The following LIPC variants were observed in gnomAD, a reference collection of about 807,000 sequenced individuals.
The protein encoded by LIPC is lipase C, hepatic type.
Under a neutral mutation model 50.7 loss-of-function variants are expected in LIPC, and 44 were observed. The observed-to-expected ratio is 0.87, with a 90% CI of 0.68 to 1.11. The LOEUF (loss-of-function observed/expected upper bound fraction) is 1.11, where lower values mean the gene tolerates loss of function less well. Among genes scored for constraint, LIPC ranks in the 50% most tolerant of loss-of-function variants. LIPC has a pLI of 0.00. For missense variants in LIPC, 697 were observed against 648.2 expected, an observed-to-expected ratio of 1.08 and a Z score of -0.82; for synonymous variants, 271 against 256.4, an observed-to-expected ratio of 1.06 and a Z score of -0.54.
chr15:58,460,205 T>A (rs1257112951), intron 1 of LIPC, among the ~76,000 whole-genome samples: 1 of 152,210 alleles, frequency 6.6e-6, no homozygotes, highest in East Asian at 1.9e-4. Flanking sequence ...CTGGCATCTG[T>A]CTTTAAGGAT....
intron 1 of LIPC, among the ~76,000 whole-genome samples, chr15:58,471,328 T>TGCTG (rs1555399294): frequency 8.8e-6 from 1 of 114,182 alleles, no homozygotes; most frequent in South Asian, 3.3e-4. Context: ...TTAGTAGAGA[T>TGCTG]GGGGGGGGGT....
At chr15:58,433,907 G>C (rs1299745551) in intron 1 of LIPC, among the ~76,000 whole-genome samples, 1 of 152,202 alleles carries the variant, frequency 6.6e-6, no homozygotes, top group Non-Finnish European at 1.5e-5. Flanking sequence ...CAATGAGTGA[G>C]CCCAATCTGT....
At chr15:58,478,324 C>T (rs7161799) in intron 1 of LIPC, among the ~76,000 whole-genome samples, 13,242 of 152,200 alleles carry the variant, frequency 0.087, 642 homozygotes, top group East Asian at 0.16. Flanking sequence ...CTGTAACCTC[C>T]ACCTCCTGGG....
intron 1 of LIPC, among the ~76,000 whole-genome samples, chr15:58,492,148 C>A (rs1305848445): frequency 6.6e-6 from 1 of 152,150 alleles, no homozygotes; most frequent in African/African-American, 2.4e-5. Flanking sequence ...GAAGAACAAG[C>A]ACCCTCCCCA....
intron 1 of LIPC, chr15:58,436,949 G>T (rs531057526): frequency 2.3e-6 from 1 of 443,248 alleles, no homozygotes; most frequent in Admixed American, 2.5e-5. Context: ...ATAGAACGGT[G>T]TTGATAGCAA....
intron 4 of LIPC, among the ~76,000 whole-genome samples, chr15:58,543,354 G>A (rs534846447): frequency 5.3e-5 from 8 of 152,110 alleles, no homozygotes; most frequent in East Asian, 3.9e-4. Flanking sequence ...GGCCTTTCTC[G>A]GTGTGGAAGC....
chr15:58,541,762 C>A lies in LIPC; in HGVS notation c.274-23C>A, dbSNP rs370220739. The stretch of plus-strand genomic sequence containing the variant: ...GCGGGGAGAAAGGAAACTAGTGCGA[C>A]CCTCCCTCTGTCCCCTCCTCAGGTG... On this transcript the variant is annotated intron_variant, in intron 2 of 8. Transcript: ENST00000299022. The A allele has an allele frequency of 8.7e-6, 14 of 1,610,548 alleles. No homozygotes were observed. The African/African-American group carries it at 1.3e-4, about 15-fold the overall frequency.
chr15:58,463,081 G>A (rs771050361), intron 1 of LIPC, among the ~76,000 whole-genome samples: 8 of 152,238 alleles, frequency 5.3e-5, no homozygotes, highest in Non-Finnish European at 8.8e-5. Flanking sequence ...CACTGGGGGT[G>A]TGTGGCTGTT....
intron 1 of LIPC, among the ~76,000 whole-genome samples, chr15:58,499,617 T>C (rs1358693703): frequency 6.6e-6 from 1 of 152,194 alleles, no homozygotes; most frequent in African/African-American, 2.4e-5. Flanking sequence ...GGATCAACTC[T>C]TCCGCTCCGG....
In LIPC at chr15:58,569,185, C is replaced by G; in HGVS notation, c.*358C>G. The G allele has an allele frequency of 5.9e-6, 1 of 168,956 alleles. No homozygotes were observed. The highest frequency in any genetic ancestry group is 1.6e-4 in the East Asian group (1 of 6,142). The allele number at this position is 168,956 out of a possible 1,614,324, so 10.5% of individuals were successfully genotyped here. A position where few individuals can be genotyped will look rare whatever the true frequency, so the allele number is the denominator to read the frequency against. On this transcript the variant is annotated 3_prime_UTR_variant, in exon 9 of 9. Coordinates refer to ENST00000299022, the MANE Select transcript of LIPC (RefSeq NM_000236.3). ...AGTTTATTATGACCCATTTTTGAAC[C>G]ATGCTAGAAAGATACTTTTTTATTA...
intron 1 of LIPC, among the ~76,000 whole-genome samples, chr15:58,518,862 G>T (rs11629984): frequency 0.093 from 14,153 of 151,884 alleles, 838 homozygotes; most frequent in Non-Finnish European, 0.14. Context: ...TGCCTTGATG[G>T]TGGTGGTGGT....
chr15:58,500,765 C>G (rs1432108062), intron 1 of LIPC, among the ~76,000 whole-genome samples: 1 of 148,432 alleles, frequency 6.7e-6, no homozygotes, highest in Non-Finnish European at 1.5e-5. Flanking sequence ...CCACCACCCC[C>G]CTTCTCATCC....
At chr15:58,462,687 C>T (rs1396946617) in intron 1 of LIPC, among the ~76,000 whole-genome samples, 2 of 152,210 alleles carry the variant, frequency 1.3e-5, no homozygotes, top group Non-Finnish European at 1.5e-5. Flanking sequence ...GGTTTGCTCA[C>T]CTGCACACAG....
At chr15:58,565,222 C>G (rs868095410) in intron 8 of LIPC, 126 of 1,535,590 alleles carry the variant, frequency 8.2e-5, no homozygotes, top group Middle Eastern at 1.7e-4. Flanking sequence ...CTGCTCGCTC[C>G]TCTTCTGCAC....
At chr15:58,532,664 C>T (rs1892994778) in intron 1 of LIPC, among the ~76,000 whole-genome samples, 1 of 152,184 alleles carries the variant, frequency 6.6e-6, no homozygotes, top group South Asian at 2.1e-4. Context: ...AAACACTGAA[C>T]TGAGCAACAG....
intron 1 of LIPC, among the ~76,000 whole-genome samples, chr15:58,448,981 G>T (rs1442015462): frequency 6.6e-6 from 1 of 152,160 alleles, no homozygotes; most frequent in African/African-American, 2.4e-5. Context: ...CACATGACGA[G>T]AAAACTGTGA....
chr15:58,492,940 C>T (rs545277490), intron 1 of LIPC, among the ~76,000 whole-genome samples: 38 of 152,178 alleles, frequency 2.5e-4, no homozygotes, highest in African/African-American at 8.9e-4. Context: ...CCCGTATGCC[C>T]CTAATTTTCT....
intron 1 of LIPC, among the ~76,000 whole-genome samples, chr15:58,530,857 C>A (rs1009861171): frequency 1.3e-5 from 2 of 152,176 alleles, no homozygotes; most frequent in Non-Finnish European, 2.9e-5. Context: ...CTTTTTCCTG[C>A]TGAGTAGTAT....
At chr15:58,497,584 C>T (rs1441959614) in intron 1 of LIPC, 3 of 152,450 alleles carry the variant, frequency 2.0e-5, no homozygotes, top group East Asian at 1.9e-4. Context: ...CAATGTGCTC[C>T]GCCGCTCTTC....
Sources: gnomAD v4.1 joint callset for allele counts (sites outside exome capture counted in the v4.1 genomes callset) on GRCh38, gnomAD v4.1.1 for gene constraint, MANE v1.5 for transcripts, NCBI Gene and HGNC (gene_info 2026-07-23, HGNC 2026-07-21) for gene names.